MGAM: variants seen among roughly 807,000 people sequenced by gnomAD.
MGAM encodes alpha-1,4-glucosidase.
A neutral mutation model predicts 358.8 loss-of-function variants in MGAM; 253 were observed. That is an observed-to-expected ratio of 0.71 (90% CI 0.64 to 0.78). MGAM has a LOEUF of 0.78. Among genes scored for constraint, MGAM ranks in the 30% least tolerant of loss-of-function variants. The pLI is 0.00. For missense variants in MGAM, 3,080 were observed against 3,432.6 expected (o/e 0.90, Z 2.57); for synonymous variants, 1,105 against 1,227.1 (o/e 0.90, Z 2.08).
At chr7:141,987,261 C>G (rs1422922812) in intron 2 of MGAM, among the ~76,000 whole-genome samples, 4 of 152,158 alleles carry the variant, frequency 2.6e-5, no homozygotes, top group Non-Finnish European at 5.9e-5. Flanking sequence ...AGAATACTGG[C>G]AGTTAATCTC....
chr7:142,067,478 A>T, intron 42 of MGAM, 53 bp downstream of exon 42: 1 of 1,405,534 alleles, frequency 7.1e-7, no homozygotes, highest in Non-Finnish European at 1.0e-6. Context: ...AGGCTTGGGG[A>T]AAAGGACGAG....
In MGAM at chr7:142,074,962, A is replaced by G. The variant is rs542608390; in HGVS notation, c.5275+789A>G. ...CTGGATCCCCAGAACTTATTCATCT[A>G]AGAACTGAAAGTTTGTACCCTTGAC... On this transcript the variant is annotated intron_variant, in intron 45 of 70. Coordinates refer to ENST00000475668, the MANE Select transcript of MGAM (RefSeq NM_001365693.1). Among the ~76,000 whole-genome samples the G allele has an allele frequency of 4.1e-5, 6 of 146,220 alleles. 1 individual carries two copies. Among genetic ancestry groups the G allele is most frequent in the South Asian group, 4.4e-4 (2 of 4,570 alleles).
In MGAM at chr7:142,106,663, ATT is replaced by A. The variant is rs1816877436; in HGVS notation, c.*774_*775del. 2 of 152,234 alleles carry A rather than the reference ATT, an allele frequency of 1.3e-5. No individual in the cohort carries two copies. The highest frequency in any genetic ancestry group is 3.8e-4 in the East Asian group (2 of 5,198). The allele number at this position is 152,234 out of a possible 1,614,324, so 9.4% of individuals were successfully genotyped here. On this transcript the variant is annotated 3_prime_UTR_variant, in exon 71 of 71. Coordinates refer to ENST00000475668, the MANE Select transcript of MGAM (RefSeq NM_001365693.1). ...GTGTGCTTTGAAATGTGTAAATCTTATTTCTAATGTATACAACCACATTTCAC... is the reference window on the plus strand; with the variant it reads ...GTGTGCTTTGAAATGTGTAAATCTTATCTAATGTATACAACCACATTTCAC...
intron 16 of MGAM, among the ~76,000 whole-genome samples, chr7:142,035,883 T>C (rs1807946538): frequency 1.3e-5 from 2 of 152,198 alleles, no homozygotes; most frequent in African/African-American, 4.8e-5. Flanking sequence ...AAGCTCTTTA[T>C]GTAAAGTGTA....
At position 142,036,896 on chromosome 7, in the gene MGAM, A is replaced by G. The variant is rs782519815; in HGVS notation, c.2150A>G (p.Tyr717Cys). The change falls in exon 18 of 71, where the codon TAT (tyrosine) becomes TGT (cysteine). Residue 717 changes from tyrosine (Y) to cysteine (C), a missense_variant. Coordinates refer to ENST00000475668, the MANE Select transcript of MGAM (RefSeq NM_001365693.1). Reference sequence around the variant, plus strand: ...TCCAGGCACTACCTTAACATCCGCTATACTCTATTGCCCTACCTATACACC... The same window carrying G: ...TCCAGGCACTACCTTAACATCCGCTGTACTCTATTGCCCTACCTATACACC... ...NSSRHYLNIR[Y>C]TLLPYLYTLF... 15 of 1,613,506 alleles carry G rather than the reference A, an allele frequency of 9.3e-6. No homozygotes were observed. Among genetic ancestry groups the G allele is most frequent in the African/African-American group, 1.3e-5 (1 of 74,876 alleles).
At chr7:141,993,814 A>T (rs574192229), upstream of MGAM, among the ~76,000 whole-genome samples, 8 of 152,330 alleles carry the variant, frequency 5.3e-5, no homozygotes, top group South Asian at 1.7e-3. Flanking sequence ...TACGCTTATC[A>T]TGTTTTTGAA....
chr7:142,040,817 A>G lies in MGAM; in HGVS notation c.2469A>G (p.Thr823=). 3 of 1,612,680 alleles carry G rather than the reference A, an allele frequency of 1.9e-6. No individual in the cohort carries two copies. Among genetic ancestry groups the G allele is most frequent in the Non-Finnish European group, 2.5e-6 (3 of 1,179,200 alleles). ...LHLRGGYIFP[T]QQPNTTTLAS... Reference sequence around the variant, plus strand: ...TTCGAGGAGGCTACATCTTCCCCACACAGCAGCCAAATACAACCACTCTGG... The same window carrying G: ...TTCGAGGAGGCTACATCTTCCCCACGCAGCAGCCAAATACAACCACTCTGG... The change falls in exon 21 of 71, where the codon ACA becomes ACG. Residue 823 remains threonine (T), a synonymous_variant. Transcript: ENST00000475668.
upstream of MGAM, among the ~76,000 whole-genome samples, chr7:141,993,254 G>A (rs1244084356): frequency 6.6e-6 from 1 of 152,158 alleles, no homozygotes; most frequent in Non-Finnish European, 1.5e-5. Context: ...AGCAGTAGCT[G>A]AGCAGGACTT....
intron 49 of MGAM, among the ~76,000 whole-genome samples, chr7:142,079,733 G>A (rs1814077716): frequency 6.8e-6 from 1 of 146,386 alleles, no homozygotes; most frequent in Non-Finnish European, 1.5e-5. Flanking sequence ...GATAGTTAGT[G>A]CTGTAATGTA....
intron 50 of MGAM, among the ~76,000 whole-genome samples, chr7:142,081,524 A>C (rs1211520551): frequency 6.9e-6 from 1 of 145,784 alleles, no homozygotes; most frequent in Admixed American, 6.9e-5. Context: ...TGCTAAAGAA[A>C]AGAAGTCTAG....
intron 21 of MGAM, among the ~76,000 whole-genome samples, chr7:142,042,574 A>T (rs1398880100): frequency 0.017 from 276 of 16,466 alleles, 1 homozygote; most frequent in Non-Finnish European, 0.027. Flanking sequence ...ATAATATATA[A>T]TATATATTAT....
chr7:142,095,328 G>T (rs112290624), intron 63 of MGAM, among the ~76,000 whole-genome samples: 1 of 152,148 alleles, frequency 6.6e-6, no homozygotes, highest in Non-Finnish European at 1.5e-5. Context: ...CTTCTTGTTT[G>T]GGCAGAATTG....
intron 11 of MGAM, 54 bp downstream of exon 11, chr7:142,030,547 A>T: frequency 6.2e-7 from 1 of 1,610,604 alleles, no homozygotes. Flanking sequence ...CGTATCATAC[A>T]CCCATCTCTC....
At chr7:141,998,792 A>C (rs1484846031) in intron 1 of MGAM, among the ~76,000 whole-genome samples, 1 of 152,172 alleles carries the variant, frequency 6.6e-6, no homozygotes, top group Non-Finnish European at 1.5e-5. Flanking sequence ...TTGCTGGGTC[A>C]AATGGTATTT....
At chr7:142,036,140 G>A (rs782350606) in intron 16 of MGAM, 29 bp from the exon 17 acceptor site, 25 of 1,488,424 alleles carry the variant, frequency 1.7e-5, no homozygotes, top group South Asian at 4.7e-5. Flanking sequence ...AGGAAGTGAG[G>A]TATACCTGTT....
At chr7:142,047,921 A>G (rs1474309046) in intron 22 of MGAM, 48 bp downstream of exon 22, 1 of 1,397,786 alleles carries the variant, frequency 7.2e-7, no homozygotes, top group East Asian at 2.3e-5. Context: ...TGCACCTGTG[A>G]CTTATGGTCC....
chr7:142,036,064 C>T (rs1170004843), intron 16 of MGAM, 105 bp from the exon 17 acceptor site: 27 of 807,794 alleles, frequency 3.3e-5, no homozygotes, highest in Non-Finnish European at 5.0e-5. Flanking sequence ...CTAGCCTTCT[C>T]GGTAGGAGGT....
rs145885349 is a variant in MGAM at position 142,054,829 on chromosome 7, G to A, written c.3235G>A (p.Glu1079Lys). The change falls in exon 27 of 71, where the codon GAG (glutamate) becomes AAG (lysine). Residue 1079 changes from glutamate to lysine, a missense_variant. Transcript: ENST00000475668. The stretch of plus-strand genomic sequence containing the variant: ...ACCCAGCATGCCATCCAGCACCCCT[G>A]AGGGTCAACTCTATGATGTGCTCAT... ...NIPSMPSSTP[E>K]GQLYDVLIKK... is the part of the protein sequence containing the mutation. 2 of 1,613,974 alleles carry A rather than the reference G, an allele frequency of 1.2e-6. No individual in the cohort carries two copies. The highest frequency in any genetic ancestry group is 2.2e-5 in the South Asian group (2 of 91,084).
At chr7:142,019,356 C>A in intron 4 of MGAM, 37 bp downstream of exon 4, 2 of 1,603,656 alleles carry the variant, frequency 1.2e-6, no homozygotes, top group Non-Finnish European at 1.7e-6. Flanking sequence ...GAGGTCCAGA[C>A]CCTCTGGAGG....
Sources: gnomAD v4.1 joint callset for allele counts (sites outside exome capture counted in the v4.1 genomes callset) on GRCh38, gnomAD v4.1.1 for gene constraint, MANE v1.5 for transcripts, NCBI Gene and HGNC (gene_info 2026-07-23, HGNC 2026-07-21) for gene names.